The following LIPN variants were observed in gnomAD, a reference collection of about 807,000 sequenced individuals.
The protein encoded by LIPN is lipase family member N.
In LIPN, 32 loss-of-function variants were observed where a neutral mutation model predicts 43.7. That is an observed-to-expected ratio of 0.73 (90% confidence interval 0.55 to 0.98). The LOEUF is 0.98. Among genes scored for constraint, LIPN ranks in the 50% least tolerant of loss-of-function variants. The pLI is 0.00. For synonymous variants in LIPN, 156 were observed against 157.6 expected (o/e 0.99, Z 0.08); for missense variants, 505 against 483.8 (o/e 1.04, Z -0.41).
intron 5 of LIPN, among the ~76,000 whole-genome samples, chr10:88,766,719 T>C (rs1029899893): frequency 6.6e-6 from 1 of 151,978 alleles, no homozygotes; most frequent in East Asian, 1.9e-4. Context: ...TTCAATGCCA[T>C]GGAATATGGC....
At chr10:88,766,079 G>A (rs1027668387) in intron 4 of LIPN, among the ~76,000 whole-genome samples, 190 bp from the exon 5 acceptor site, 3 of 151,860 alleles carry the variant, frequency 2.0e-5, no homozygotes, top group Admixed American at 6.6e-5. Context: ...CTCTTATAAG[G>A]AAGTAAAATG....
intron 4 of LIPN, among the ~76,000 whole-genome samples, chr10:88,765,333 G>C (rs388954): frequency 0.24 from 36,149 of 151,864 alleles, 4,452 homozygotes; most frequent in East Asian, 0.37. Context: ...CTAGAACAGA[G>C]TGTGTATTCC....
Position 88,778,200 on chromosome 10 carries a change from G to T in LIPN, c.1155G>T (p.Arg385=). 1 of 1,612,382 alleles carries T rather than the reference G, an allele frequency of 6.2e-7. No individual in the cohort carries two copies. Among genetic ancestry groups the T allele is most frequent in the Non-Finnish European group, 8.5e-7 (1 of 1,179,160 alleles). The change falls in exon 10 of 10, where the codon CGG becomes CGT. Residue 385 remains arginine, a synonymous_variant. Coordinates refer to ENST00000404459, the MANE Select transcript of LIPN (RefSeq NM_001102469.2). Reference sequence around the variant, plus strand: ...TCTGGGGCCTCGATGCCCCTCAACGGATGTACAGTGAAATCATAGCTTTAA... The same window carrying T: ...TCTGGGGCCTCGATGCCCCTCAACGTATGTACAGTGAAATCATAGCTTTAA... ...DFVWGLDAPQ[R]MYSEIIALMK...
chr10:88,761,751 CTATCTATCTATG>C (rs199961943), intron 2 of LIPN, among the ~76,000 whole-genome samples: 4,207 of 93,258 alleles, frequency 0.045, 78 homozygotes, highest in African/African-American at 0.078. Flanking sequence ...ATCTATCTAT[CTATCTATCTATG>C]TATCTATCTA....
intron 4 of LIPN, 78 bp from the exon 5 acceptor site, chr10:88,766,191 A>G (rs1165731389): frequency 5.4e-6 from 4 of 736,740 alleles, no homozygotes; most frequent in African/African-American, 5.3e-5. Context: ...TCTGGGTGTA[A>G]AAAAGAAGTG....
chr10:88,775,277 T>A (rs535515160), intron 9 of LIPN, 114 bp downstream of exon 9: 6 of 519,972 alleles, frequency 1.2e-5, no homozygotes, highest in East Asian at 3.9e-5. Flanking sequence ...CTGATAGAAC[T>A]TTTTTTTAAA....
At position 88,778,255 on chromosome 10, in the gene LIPN, T is replaced by TAGGA; in HGVS notation, c.*14_*15insGGAA. The TAGGA allele has an allele frequency of 6.4e-7, 1 of 1,572,936 alleles. No homozygotes were observed. The highest frequency in any genetic ancestry group is 8.7e-7 in the Non-Finnish European group (1 of 1,153,988). The stretch of plus-strand genomic sequence containing the variant: ...GGCATATTCCTAAATGCAATGCATT[T>TAGGA]ACTTTTCAATTAAAAGTTGCTTCCA... On this transcript the variant is annotated 3_prime_UTR_variant, in exon 10 of 10. Transcript: ENST00000404459.
Position 88,778,115 on chromosome 10 carries a change from C to T in LIPN, c.1070C>T (p.Pro357Leu). The change falls in exon 10 of 10, where the codon CCT becomes CTT. Residue 357 changes from proline to leucine, a missense_variant. Physicochemically the swap from Pro to Leu is moderately conservative, Grantham distance 98. Transcript: ENST00000404459. Reference sequence around the variant, plus strand: ...CCCCAGGATGTGGCCAGGATACTCCCTCAAATCAAGAGTCTTCATTACTTT... The same window carrying T: ...CCCCAGGATGTGGCCAGGATACTCCTTCAAATCAAGAGTCTTCATTACTTT... Reference protein sequence around the residue: ...VTPQDVARILPQIKSLHYFKL... With the variant: ...VTPQDVARILLQIKSLHYFKL... 1.2e-6 allele frequency: 2 copies of T among 1,613,658 alleles called. No individual in the cohort carries two copies. The highest frequency in any genetic ancestry group is 1.3e-5 in the African/African-American group (1 of 75,042).
intron 6 of LIPN, chr10:88,769,479 C>A: frequency 2.1e-6 from 1 of 483,304 alleles, no homozygotes; most frequent in Non-Finnish European, 2.7e-6. Flanking sequence ...CATTTGGTTG[C>A]CAATTGTGGA....
intron 8 of LIPN, 48 bp from the exon 9 acceptor site, chr10:88,775,044 C>A: frequency 7.6e-7 from 1 of 1,313,018 alleles, no homozygotes; most frequent in South Asian, 1.3e-5. Flanking sequence ...TGTTAGCTTT[C>A]ATGATTCTTA....
chr10:88,764,555 G>A lies in LIPN; in HGVS notation c.372G>A (p.Trp124Ter), dbSNP rs1843058956. The A allele has an allele frequency of 1.2e-6, 2 of 1,611,790 alleles. No individual in the cohort carries two copies. The highest frequency in any genetic ancestry group is 2.7e-5 in the African/African-American group (2 of 74,830). ...VWMGNSRGNT[W>*]SRRHKTLSET... ...TGGGAAACAGTCGGGGAAACACTTG[G>A]TCAAGAAGACACAAAACACTCTCAG... Residue 124 changes from tryptophan to a stop codon, truncating the protein, a stop_gained, in exon 4 of 10, where the codon TGG becomes TGA. Coordinates refer to ENST00000404459, the MANE Select transcript of LIPN (RefSeq NM_001102469.2). LOFTEE classifies it high-confidence loss of function.
chr10:88,770,713 AT>A (rs774197686), intron 6 of LIPN, 131 bp from the exon 7 acceptor site: 1 of 534,674 alleles, frequency 1.9e-6, no homozygotes, highest in Non-Finnish European at 3.3e-6. Context: ...TGCTATTGCT[AT>A]TTGGGCTTGT....
intron 6 of LIPN, among the ~76,000 whole-genome samples, 155 bp downstream of exon 6, chr10:88,769,083 C>A (rs568205930): frequency 1.3e-5 from 2 of 151,844 alleles, no homozygotes; most frequent in Admixed American, 6.6e-5. Flanking sequence ...TGTGTCCCTG[C>A]GTGTGCGCAT....
chr10:88,778,161 C>T lies in LIPN; in HGVS notation c.1116C>T (p.Asn372=). ...ACTTTAAGCTATTGCCAGATTGGAA[C>T]CACTTTGATTTTGTCTGGGGCCTCG... ...LHYFKLLPDW[N]HFDFVWGLDA... is the part of the protein sequence containing the mutation. The change falls in exon 10 of 10, where the codon AAC becomes AAT. Residue 372 remains asparagine, a synonymous_variant. Transcript: ENST00000404459. The T allele has an allele frequency of 6.2e-7, 1 of 1,613,508 alleles. No individual in the cohort carries two copies. The highest frequency in any genetic ancestry group is 8.5e-7 in the Non-Finnish European group (1 of 1,179,678).
chr10:88,770,572 A>G (rs1843187567), intron 6 of LIPN, among the ~76,000 whole-genome samples: 1 of 151,826 alleles, frequency 6.6e-6, no homozygotes, highest in African/African-American at 2.4e-5. Context: ...CACATTCCTA[A>G]GTAACTTTTC....
At chr10:88,766,175 A>C (rs1358224011) in intron 4 of LIPN, 94 bp from the exon 5 acceptor site, 2 of 696,952 alleles carry the variant, frequency 2.9e-6, no homozygotes, top group Admixed American at 2.3e-5. Context: ...AGTAAACAGC[A>C]TAGAATCTGG....
intron 3 of LIPN, among the ~76,000 whole-genome samples, chr10:88,763,904 T>G (rs575806663): frequency 2.9e-4 from 44 of 152,094 alleles, no homozygotes; most frequent in Non-Finnish European, 5.2e-4. Context: ...CTATAGGACT[T>G]GAGTAAGCAT....
chr10:88,769,825 A>G (rs1260151954), intron 6 of LIPN, among the ~76,000 whole-genome samples: 1 of 151,934 alleles, frequency 6.6e-6, no homozygotes, highest in African/African-American at 2.4e-5. Flanking sequence ...GTTTTATTGT[A>G]TTGTTTACTG....
At chr10:88,773,840 T>C (rs931336223) in intron 7 of LIPN, among the ~76,000 whole-genome samples, 21 of 152,148 alleles carry the variant, frequency 1.4e-4, no homozygotes, top group African/African-American at 4.6e-4. Flanking sequence ...TTCTAAGACA[T>C]AGAATTATGA....
Sources: allele counts gnomAD v4.1 joint callset (sites outside exome capture counted in the v4.1 genomes callset), GRCh38; gene constraint gnomAD v4.1.1; transcripts MANE v1.5; gene names NCBI Gene and HGNC (gene_info 2026-07-23, HGNC 2026-07-21).